DENND4C: variants seen among roughly 807,000 people sequenced by gnomAD.
The protein encoded by DENND4C is DENN domain containing 4C.
A neutral mutation model predicts 203.0 loss-of-function variants in DENND4C; 108 were observed. The ratio of observed to expected loss-of-function variants is 0.53; its 90% CI spans 0.46 to 0.62. The LOEUF is 0.62. DENND4C is among the 20% of genes least tolerant of loss of function. The probability of loss-of-function intolerance (pLI) is 0.00; values close to 1 mark genes in which losing one functional copy is unlikely to be tolerated. For missense variants in DENND4C, 2,481 were observed against 2,301.2 expected, an observed-to-expected ratio of 1.08 and a Z score of -1.60; for synonymous variants, 871 against 792.4, an observed-to-expected ratio of 1.10 and a Z score of -1.67.
chr9:19,323,323 A>G (rs1379891413), intron 12 of DENND4C, among the ~76,000 whole-genome samples: 1 of 151,926 alleles, frequency 6.6e-6, no homozygotes, highest in East Asian at 1.9e-4. Context: ...CCAGCTACTC[A>G]GGAGGCTGAG....
chr9:19,336,658 A>G (rs1820544323), intron 19 of DENND4C, 28 bp from the exon 20 acceptor site: 1 of 1,543,846 alleles, frequency 6.5e-7, no homozygotes, highest in Non-Finnish European at 8.7e-7. Context: ...TGCATGAGTT[A>G]TTGAACTGCT....
intron 1 of DENND4C, among the ~76,000 whole-genome samples, chr9:19,237,796 T>A (rs981952186): frequency 1.3e-5 from 2 of 152,196 alleles, no homozygotes; most frequent in East Asian, 3.8e-4. Context: ...AAACCAAATA[T>A]GTAATTTAAA....
chr9:19,264,664 G>C (rs1262298923), intron 1 of DENND4C, among the ~76,000 whole-genome samples: 2 of 152,182 alleles, frequency 1.3e-5, no homozygotes, highest in Non-Finnish European at 2.9e-5. Flanking sequence ...TCTCATCTCT[G>C]ATCTTATTTA....
chr9:19,283,156 T>A (rs1196097029), intron 2 of DENND4C, among the ~76,000 whole-genome samples: 2 of 119,616 alleles, frequency 1.7e-5, no homozygotes, highest in African/African-American at 2.9e-5. Context: ...TGAACTACTG[T>A]GCCTGGATTT....
At chr9:19,281,864 A>G (rs80082970) in intron 2 of DENND4C, among the ~76,000 whole-genome samples, 1 of 152,206 alleles carries the variant, frequency 6.6e-6, no homozygotes. Context: ...GGCAACTTAC[A>G]CAGTGGTGAG....
intron 1 of DENND4C, among the ~76,000 whole-genome samples, chr9:19,259,713 C>G (rs912037441): frequency 6.6e-5 from 10 of 152,064 alleles, no homozygotes; most frequent in African/African-American, 2.4e-4. Flanking sequence ...CCATGTTGGT[C>G]AGGCTGGTCT....
intron 2 of DENND4C, among the ~76,000 whole-genome samples, chr9:19,280,946 G>A (rs942671931): frequency 4.6e-5 from 7 of 151,986 alleles, no homozygotes; most frequent in African/African-American, 1.7e-4. Context: ...TTCTCATGTT[G>A]CCCAGGCTAG....
intron 6 of DENND4C, 26 bp from the exon 7 acceptor site, chr9:19,298,009 CATTTAGAAAAGTAATTATTAT>C (rs896387890): frequency 2.9e-6 from 4 of 1,397,620 alleles, no homozygotes. Context: ...AACTGTGATG[CATTTAGAAAAGTAATTATTAT>C]ATTTATTTCA....
At chr9:19,304,845 G>A (rs1035174627) in intron 9 of DENND4C, among the ~76,000 whole-genome samples, 3 of 151,602 alleles carry the variant, frequency 2.0e-5, no homozygotes, top group Middle Eastern at 3.5e-3. Context: ...CACCGCGCCC[G>A]GCCATGAATT....
In DENND4C at chr9:19,346,919, C is replaced by T. The variant is rs753834991; in HGVS notation, c.4150C>T (p.His1384Tyr). The T allele has an allele frequency of 1.2e-6, 2 of 1,614,236 alleles. No individual in the cohort carries two copies. Among genetic ancestry groups the T allele is most frequent in the Non-Finnish European group, 1.7e-6 (2 of 1,180,046 alleles). Residue 1384 changes from histidine to tyrosine, a missense_variant, in exon 23 of 33, where the codon CAT becomes TAT. Around this residue, in one of 3 missense-constraint regions of DENND4C, gnomAD observed 2,289 missense variants for 2,113.3 expected, o/e 1.08. Coordinates refer to ENST00000434457, the MANE Select transcript of DENND4C (RefSeq NM_001330640.2). ...SLSALVRSSP[H>Y]GSLGSVVNSL... ...GTCAGCACTGGTGCGTTCTTCGCCA[C>T]ATGGCTCGTTGGGTTCTGTAGTAAA...
Position 19,350,890 on chromosome 9 carries a change from G to T in DENND4C, c.4495+11G>T. On this transcript the variant is annotated intron_variant, in intron 24 of 32. Transcript: ENST00000434457. ...TGCATTATCCAACAGGTATGGGGAA[G>T]GATTATCCTTTCTTCATTTGCTTTA... 1 of 1,584,894 alleles carries T rather than the reference G, an allele frequency of 6.3e-7. No homozygotes were observed. The highest frequency in any genetic ancestry group is 8.6e-7 in the Non-Finnish European group (1 of 1,166,050).
intron 6 of DENND4C, 111 bp from the exon 7 acceptor site, chr9:19,297,945 A>G (rs958882829): frequency 1.3e-6 from 1 of 783,408 alleles, no homozygotes; most frequent in Non-Finnish European, 1.9e-6. Flanking sequence ...CATTTTAGAT[A>G]AATGGCCATG....
Position 19,290,827 on chromosome 9 carries a change from C to G in DENND4C, c.752C>G (p.Pro251Arg). The part of the protein sequence containing the change: ...IECWDPETKY[P>R]LPVFSTFVLT... ...TGCTGGGATCCTGAAACCAAATATC[C>G]ACTTCCAGTTTTTTCAACTTTTGTC... The change falls in exon 5 of 33, where the codon CCA becomes CGA. Residue 251 changes from proline to arginine, a missense_variant. Coordinates refer to ENST00000434457, the MANE Select transcript of DENND4C (RefSeq NM_001330640.2). 1.2e-6 allele frequency: 2 copies of G among 1,613,544 alleles called. No homozygotes were observed. Among genetic ancestry groups the G allele is most frequent in the Non-Finnish European group, 1.7e-6 (2 of 1,179,706 alleles).
Position 19,246,294 on chromosome 9 carries a change from C to G in DENND4C, c.-18+15461C>G, listed in dbSNP as rs566428364. On this transcript the variant is annotated intron_variant, in intron 1 of 32. Coordinates refer to ENST00000434457, the MANE Select transcript of DENND4C (RefSeq NM_001330640.2). ...AGTGTGGCTGGAGAAAACAAATACG[C>G]TAGCTCGTCTCACTTTAAATTTATG... 4.2e-4 allele frequency among the ~76,000 whole-genome samples: 64 copies of G among 152,276 alleles called. 1 individual carries two copies. The South Asian group carries it at 0.011, about 27-fold the overall frequency.
At chr9:19,276,834 T>G (rs1242797615) in intron 2 of DENND4C, among the ~76,000 whole-genome samples, 1 of 151,924 alleles carries the variant, frequency 6.6e-6, no homozygotes, top group African/African-American at 2.4e-5. Flanking sequence ...TTTTAAGGAG[T>G]TGCTTGGGTT....
chr9:19,303,179 G>A (rs1169744286), intron 9 of DENND4C, among the ~76,000 whole-genome samples: 1 of 152,050 alleles, frequency 6.6e-6, no homozygotes, highest in Non-Finnish European at 1.5e-5. Context: ...GCTTCTGTGA[G>A]CAATTTCTTT....
chr9:19,364,761 G>C (rs1487317694), intron 30 of DENND4C, among the ~76,000 whole-genome samples: 1 of 152,194 alleles, frequency 6.6e-6, no homozygotes, highest in Non-Finnish European at 1.5e-5. Context: ...CAGGTGTGGT[G>C]GTGGGCACTT....
Position 19,350,806 on chromosome 9 carries a change from A to G in DENND4C, c.4422A>G (p.Glu1474=). 1 of 1,614,122 alleles carries G rather than the reference A, an allele frequency of 6.2e-7. No individual in the cohort carries two copies. The highest frequency in any genetic ancestry group is 8.5e-7 in the Non-Finnish European group (1 of 1,180,010). Residue 1474 remains glutamate (E), a synonymous_variant, in exon 24 of 33, where the codon GAA becomes GAG. Coordinates refer to ENST00000434457, the MANE Select transcript of DENND4C (RefSeq NM_001330640.2). ...GTATCTCAGGGTTGGTCCCCAGTGA[A>G]CTTACCCAGAGCAACACAAGTCTTG... is the stretch of plus-strand genomic sequence containing the variant. ...NTSISGLVPS[E]LTQSNTSLGS...
chr9:19,237,919 T>C (rs1219542742), intron 1 of DENND4C, among the ~76,000 whole-genome samples: 3 of 152,162 alleles, frequency 2.0e-5, no homozygotes, highest in Admixed American at 1.3e-4. Flanking sequence ...TTCCTAGGGC[T>C]GCCAGAGTAA....
Sources: gnomAD v4.1 joint callset for allele counts (sites outside exome capture counted in the v4.1 genomes callset) on GRCh38, gnomAD v4.1.1 for gene constraint, gnomAD v4.1.1 regional missense constraint, MANE v1.5 for transcripts, NCBI Gene and HGNC (gene_info 2026-07-23, HGNC 2026-07-21) for gene names.